Variants in FRMD7 observed in about 807,000 individuals in gnomAD.
FRMD7 encodes the protein FERM domain-containing protein 7.
A neutral mutation model predicts 44.1 loss-of-function variants in FRMD7; 14 were observed. That is an observed-to-expected ratio of 0.32 (90% confidence interval 0.21 to 0.50). The LOEUF (loss-of-function observed/expected upper bound fraction) is 0.50. FRMD7 is among the 20% of genes least tolerant of loss of function. The pLI, the probability that FRMD7 is intolerant of heterozygous loss-of-function variation, is 0.99. For missense variants in FRMD7, 501 were observed against 522.3 expected, an observed-to-expected ratio of 0.96 and a Z score of 0.40; for synonymous variants, 212 against 187.4, an observed-to-expected ratio of 1.13 and a Z score of -1.07.
Position 132,078,177 on chromosome X carries a change from G to C in FRMD7, c.1840C>G (p.Pro614Ala). 8.3e-7 allele frequency: 1 copy of C among 1,211,618 alleles called. No homozygotes were observed. Among genetic ancestry groups the C allele is most frequent in the South Asian group, 1.8e-5 (1 of 56,985 alleles). The change falls in exon 12 of 12, where the codon CCT becomes GCT. Residue 614 changes from proline (P) to alanine (A), a missense_variant. Physicochemically the swap from Pro to Ala is conservative, Grantham distance 27. Transcript: ENST00000298542. ...AGGTCTGCTTTATGACTGAGAGCAG[G>C]ACAAGGCCCTAAAGGTCTAAATTCT... is the stretch of plus-strand genomic sequence containing the variant. ...GSEFRPLGPC[P>A]ALSHKADLFT... is the part of the protein sequence containing the mutation.
Position 132,080,183 on chromosome X carries a change from A to G in FRMD7, c.974+15T>C. The stretch of plus-strand genomic sequence containing the variant: ...ACATAAAATCAACACGAGCAAGAGA[A>G]ACAAAATCATGTACCTTTCAAATGG... On this transcript the variant is annotated intron_variant, in intron 10 of 11. Transcript: ENST00000298542. 8.4e-7 allele frequency: 1 copy of G among 1,189,496 alleles called. No homozygotes were observed. Among genetic ancestry groups the G allele is most frequent in the Non-Finnish European group, 1.1e-6 (1 of 875,254 alleles).
At chrX:132,090,478 T>A (rs980401656) in intron 5 of FRMD7, among the ~76,000 whole-genome samples, 5 of 111,870 alleles carry the variant, frequency 4.5e-5, no homozygotes, top group African/African-American at 1.6e-4. Flanking sequence ...TATTTTATCA[T>A]TTCATTTACA....
intron 1 of FRMD7, among the ~76,000 whole-genome samples, chrX:132,109,004 G>A (rs1928714837): frequency 8.9e-6 from 1 of 111,923 alleles, no homozygotes; most frequent in Non-Finnish European, 1.9e-5. Flanking sequence ...AGCAGTGTGA[G>A]AACAGGCTAC....
intron 4 of FRMD7, among the ~76,000 whole-genome samples, chrX:132,094,655 T>C (rs1928276266): frequency 8.9e-6 from 1 of 111,937 alleles, no homozygotes; most frequent in Non-Finnish European, 1.9e-5. Flanking sequence ...GGATAGTGAA[T>C]CTGTGGCTAG....
Position 132,103,486 on chromosome X carries a change from G to GTCTA in FRMD7, c.58-2774_58-2771dup, listed in dbSNP as rs34605425. 4.1e-3 allele frequency among the ~76,000 whole-genome samples: 399 copies of GTCTA among 98,368 alleles called. 2 individuals carry two copies. Among genetic ancestry groups the GTCTA allele is most frequent in the Middle Eastern group, 0.01 (2 of 198 alleles). 85.4% of individuals were successfully genotyped at this position (98,368 alleles called of 115,157 possible). A position where few individuals can be genotyped will look rare whatever the true frequency, so the allele number is the denominator to read the frequency against. On this transcript the variant is annotated intron_variant, in intron 1 of 11. Coordinates refer to ENST00000298542, the MANE Select transcript of FRMD7 (RefSeq NM_194277.3). ...CTCATCCTGATATCTGCCTTTAAATGTCTATCTATCTATCTATCTATCTAT... is the reference window on the plus strand; with the variant it reads ...CTCATCCTGATATCTGCCTTTAAATGTCTATCTATCTATCTATCTATCTATCTAT...
chrX:132,089,368 G>A (rs1190855657), intron 5 of FRMD7, among the ~76,000 whole-genome samples: 1 of 112,000 alleles, frequency 8.9e-6, no homozygotes, highest in East Asian at 2.8e-4. Flanking sequence ...GCTCAAAATG[G>A]ATCATAGATC....
In FRMD7 at chrX:132,114,671, T is replaced by C. The variant is rs142839838; in HGVS notation, c.57+13117A>G. ...TCAAGCTGATCTCCCTGTCCAGGAG[T>C]GTCTCATTTCCCATCCTTTCCACAT... is the stretch of plus-strand genomic sequence containing the variant. On this transcript the variant is annotated intron_variant, in intron 1 of 11. Transcript: ENST00000298542. 2.0e-4 allele frequency among the ~76,000 whole-genome samples: 22 copies of C among 111,476 alleles called. No homozygotes were observed. The South Asian group carries it at 7.9e-3, about 40-fold the overall frequency.
chrX:132,110,699 A>C, intron 1 of FRMD7, among the ~76,000 whole-genome samples: 1 of 112,138 alleles, frequency 8.9e-6, no homozygotes, highest in Non-Finnish European at 1.9e-5. Flanking sequence ...ACACCAACCT[A>C]TCTGAGAGTG....
rs762194321 is a variant in FRMD7 at position 132,097,402 on chromosome X, T to TAC, written c.206-60_206-59dup. 0.16 allele frequency: 84,640 copies of TAC among 541,448 alleles called. 3,264 individuals carry two copies. Among genetic ancestry groups the TAC allele is most frequent in the African/African-American group, 0.31 (12,458 of 40,675 alleles). The allele number at this position is 541,448 out of a possible 1,213,427, so 44.6% of individuals were successfully genotyped here. On this transcript the variant is annotated intron_variant, in intron 3 of 11. Coordinates refer to ENST00000298542, the MANE Select transcript of FRMD7 (RefSeq NM_194277.3). ...AAATGTCCATCACAACAGTTATAGG[T>TAC]ACACACACACACACACACACACACA...
At chrX:132,113,252 C>T (rs999406733) in intron 1 of FRMD7, among the ~76,000 whole-genome samples, 15 of 112,044 alleles carry the variant, frequency 1.3e-4, no homozygotes, top group African/African-American at 4.9e-4. Context: ...GCATGATACA[C>T]AACCAAATTC....
rs764235664 is a variant in FRMD7 at position 132,078,871 on chromosome X, A to T, written c.1146T>A (p.Asn382Lys). Residue 382 changes from asparagine (N) to lysine (K), a missense_variant, in exon 12 of 12, where the codon AAT becomes AAA. By Grantham distance (94) the Asn-to-Lys change is moderately conservative. This residue lies in a region of FRMD7 where 453 missense variants were observed against 452.7 expected (regional missense o/e 1.00). Coordinates refer to ENST00000298542, the MANE Select transcript of FRMD7 (RefSeq NM_194277.3). ...TTGCAAATGTCACCTCCAATGCAGAATTCCTCCTCCTACTCTCCAGCACTG... is the reference window on the plus strand; with the variant it reads ...TTGCAAATGTCACCTCCAATGCAGATTTCCTCCTCCTACTCTCCAGCACTG... ...SEPVLESRRR[N>K]SALEVTFATE... The T allele has an allele frequency of 1.7e-6, 2 of 1,206,272 alleles. No homozygotes were observed. The highest frequency in any genetic ancestry group is 3.5e-5 in the South Asian group (2 of 56,796).
Position 132,077,410 on chromosome X carries a change from A to G in FRMD7, c.*462T>C, listed in dbSNP as rs1927637504. ...TTTAGCATATTACAAGACCATTTCT[A>G]CTGGGCCCCACACAAATAGTAAAGA... On this transcript the variant is annotated 3_prime_UTR_variant, in exon 12 of 12. Coordinates refer to ENST00000298542, the MANE Select transcript of FRMD7 (RefSeq NM_194277.3). 1 of 133,123 alleles carries G rather than the reference A, an allele frequency of 7.5e-6. No homozygotes were observed. Among genetic ancestry groups the G allele is most frequent in the Admixed American group, 7.8e-5 (1 of 12,767 alleles). 11.0% of individuals were successfully genotyped at this position (133,123 alleles called of 1,213,427 possible).
chrX:132,092,310 C>T (rs1024717657), intron 5 of FRMD7, among the ~76,000 whole-genome samples: 4 of 111,035 alleles, frequency 3.6e-5, no homozygotes, highest in Non-Finnish European at 7.5e-5. Context: ...TTCTTGAACG[C>T]TTAAAATATA....
At position 132,086,030 on chromosome X, in the gene FRMD7, T is replaced by A. The variant is rs768147145; in HGVS notation, c.387A>T (p.Glu129Asp). The change falls in exon 6 of 12, where the codon GAA becomes GAT. Residue 129 changes from glutamate (E) to aspartate (D), a missense_variant. Glu to Asp is a conservative substitution (Grantham distance 45). Coordinates refer to ENST00000298542, the MANE Select transcript of FRMD7 (RefSeq NM_194277.3). ...ALMVSHILQSELGDFHEETDR... is the reference protein window; with the variant it reads ...ALMVSHILQSDLGDFHEETDR... Reference sequence around the variant, plus strand: ...CTGTTTCTTCATGAAAGTCTCCAAGTTCTGCTGCATGACAGGAAAAAGACA... The same window carrying A: ...CTGTTTCTTCATGAAAGTCTCCAAGATCTGCTGCATGACAGGAAAAAGACA... 1.8e-6 allele frequency: 2 copies of A among 1,141,879 alleles called. No homozygotes were observed. The highest frequency in any genetic ancestry group is 2.4e-6 in the Non-Finnish European group (2 of 831,690). 94.1% of individuals were successfully genotyped at this position (1,141,879 alleles called of 1,213,427 possible).
chrX:132,098,490 T>C (rs1569344740), intron 3 of FRMD7, among the ~76,000 whole-genome samples: 1 of 112,267 alleles, frequency 8.9e-6, no homozygotes, highest in Non-Finnish European at 1.9e-5. Flanking sequence ...TTTCAGTAGA[T>C]TTCTTTGGGA....
At chrX:132,116,287 C>T (rs751020781) in intron 1 of FRMD7, among the ~76,000 whole-genome samples, 8 of 112,052 alleles carry the variant, frequency 7.1e-5, no homozygotes, top group Admixed American at 2.8e-4. Flanking sequence ...GTTAAAGGAA[C>T]TTACTGCATC....
In FRMD7 at chrX:132,094,039, T is replaced by C; in HGVS notation, c.382+3A>G. The stretch of plus-strand genomic sequence containing the variant: ...CCAAAGCAGACAGACATTTGCTACT[T>C]ACATTGTAAGATGTGAGATACCATC... On this transcript the variant is annotated splice_donor_region_variant and intron_variant, in intron 5 of 11. Transcript: ENST00000298542. The C allele has an allele frequency of 2.7e-6, 3 of 1,110,465 alleles. No individual in the cohort carries two copies. The highest frequency in any genetic ancestry group is 3.7e-6 in the Non-Finnish European group (3 of 803,617). 91.5% of individuals were successfully genotyped at this position (1,110,465 alleles called of 1,213,427 possible).
chrX:132,092,964 CCA>C (rs1928224285), intron 5 of FRMD7, among the ~76,000 whole-genome samples: 1 of 111,946 alleles, frequency 8.9e-6, no homozygotes, highest in Non-Finnish European at 1.9e-5. Flanking sequence ...TGTCTAACCA[CCA>C]TTTTTGTTTT....
chrX:132,085,201 T>A (rs1174398632), intron 7 of FRMD7, among the ~76,000 whole-genome samples: 1 of 111,472 alleles, frequency 9.0e-6, no homozygotes, highest in East Asian at 2.8e-4. Flanking sequence ...CATTTCCAAC[T>A]CCTCTAAACT....
Sources: allele counts gnomAD v4.1 joint callset (sites outside exome capture counted in the v4.1 genomes callset), GRCh38; gene constraint gnomAD v4.1.1; regional missense constraint gnomAD v4.1.1; transcripts MANE v1.5; gene names NCBI Gene and HGNC (gene_info 2026-07-23, HGNC 2026-07-21).